SETD4: variants seen among roughly 807,000 people sequenced by gnomAD.
SETD4 encodes the protein SET domain containing 4.
A neutral mutation model predicts 58.3 loss-of-function variants in SETD4; 46 were observed. That is an observed-to-expected ratio of 0.79 (90% CI 0.62 to 1.01). The LOEUF is 1.01. Among genes scored for constraint, SETD4 ranks in the 50% least tolerant of loss-of-function variants. The pLI, the probability that SETD4 is intolerant of heterozygous loss-of-function variation, is 0.00. For synonymous variants in SETD4, 190 were observed against 202.6 expected (o/e 0.94, Z 0.53); for missense variants, 490 against 523.3 (o/e 0.94, Z 0.62).
chr21:36,058,347 A>C (rs2065090852), intron 2 of SETD4, among the ~76,000 whole-genome samples: 1 of 152,070 alleles, frequency 6.6e-6, no homozygotes, highest in Non-Finnish European at 1.5e-5. Flanking sequence ...AAATTTAAAA[A>C]AACATTAGCC....
chr21:36,051,079 A>G (rs1442563348), intron 4 of SETD4: 79 of 1,434,514 alleles, frequency 5.5e-5, no homozygotes, highest in Non-Finnish European at 7.0e-5. Flanking sequence ...ATCGTCTTTC[A>G]TAAGGCTTGT....
Position 36,034,947 on chromosome 21 carries a change from A to G in SETD4, c.*1046T>C, listed in dbSNP as rs1342981227. The G allele has an allele frequency of 6.6e-6, 1 of 152,252 alleles. No individual in the cohort carries two copies. Among genetic ancestry groups the G allele is most frequent in the Non-Finnish European group, 1.5e-5 (1 of 68,052 alleles). 9.4% of individuals were successfully genotyped at this position (152,252 alleles called of 1,614,324 possible). ...ATATACAAACAGGGAAAGATGTTCAAGAAATCATGAGAAAGTTTTATTTTA... is the reference window on the plus strand; with the variant it reads ...ATATACAAACAGGGAAAGATGTTCAGGAAATCATGAGAAAGTTTTATTTTA... On this transcript the variant is annotated 3_prime_UTR_variant, in exon 12 of 12. Coordinates refer to ENST00000332131, the MANE Select transcript of SETD4 (RefSeq NM_017438.5).
At chr21:36,059,753 T>A in intron 1 of SETD4, 2 of 985,104 alleles carry the variant, frequency 2.0e-6, no homozygotes, top group Non-Finnish European at 1.2e-6. Context: ...AGGGCAGAAA[T>A]GAGCAAGAGA....
chr21:36,058,940 G>C lies in SETD4; in HGVS notation c.-36-16C>G. 2.0e-6 allele frequency: 3 copies of C among 1,526,582 alleles called. No homozygotes were observed. The highest frequency in any genetic ancestry group is 2.6e-6 in the Non-Finnish European group (3 of 1,137,000). 94.6% of individuals were successfully genotyped at this position (1,526,582 alleles called of 1,614,324 possible). The stretch of plus-strand genomic sequence containing the variant: ...AAATACAGTTCTATTTTTTCAAAAA[G>C]GACAAAACTGTAATTTCTGTGGAAA... On this transcript the variant is annotated splice_polypyrimidine_tract_variant and intron_variant, in intron 1 of 11. Coordinates refer to ENST00000332131, the MANE Select transcript of SETD4 (RefSeq NM_017438.5).
rs1182423068 is a variant in SETD4, at chr21:36,057,729, AATTAGTGTGAT to A, written c.74-536_74-526del. 4.6e-5 allele frequency among the ~76,000 whole-genome samples: 7 copies of A among 152,262 alleles called. No individual in the cohort carries two copies. The East Asian group carries it at 1.3e-3, about 29-fold the overall frequency. ...ACTTATTATAAAGCTACAGTAATCA[AATTAGTGTGAT>A]ATTGTCAAAACAGACACAAATAGGT... is the stretch of plus-strand genomic sequence containing the variant. On this transcript the variant is annotated intron_variant, in intron 2 of 11. Transcript: ENST00000332131.
chr21:36,048,105 AAGGCAGGCAGGC>A (rs375449897), intron 5 of SETD4, among the ~76,000 whole-genome samples, 191 bp downstream of exon 5: 1 of 145,462 alleles, frequency 6.9e-6, no homozygotes, highest in Non-Finnish European at 1.5e-5. Context: ...GGGAGGGAGG[AAGGCAGGCAGGC>A]AGGCAGGCAG....
chr21:36,040,651 A>G lies in SETD4; in HGVS notation c.988T>C (p.Leu330=). The G allele has an allele frequency of 1.2e-6, 2 of 1,613,414 alleles. No individual in the cohort carries two copies. The highest frequency in any genetic ancestry group is 1.7e-6 in the Non-Finnish European group (2 of 1,179,416). Residue 330 remains leucine (L), a synonymous_variant, in exon 9 of 12, where the codon TTG becomes CTG. Transcript: ENST00000332131. The stretch of plus-strand genomic sequence containing the variant: ...GATGGTCCATCCCATCCAAATGTCA[A>G]ATTTCTGAAGTAGAAAAACAAATAA... ...ILKDHGYIEN[L]TFGWDGPSWR...
At position 36,041,871 on chromosome 21, in the gene SETD4, G is replaced by T; in HGVS notation, c.919C>A (p.Leu307Ile). Residue 307 changes from leucine (L) to isoleucine (I), a missense_variant, in exon 8 of 12, where the codon CTT (leucine) becomes ATT (isoleucine). Leu to Ile is a conservative substitution (Grantham distance 5). Transcript: ENST00000332131. ...YVSREILVKY[L>I]PSTDKQMDKK... is the part of the protein sequence containing the mutation. ...TCCATCTGTTTATCTGTTGATGGAAGATATTTAACAAGTATTTCTATATTC... is the reference window on the plus strand; with the variant it reads ...TCCATCTGTTTATCTGTTGATGGAATATATTTAACAAGTATTTCTATATTC... 1 of 1,445,512 alleles carries T rather than the reference G, an allele frequency of 6.9e-7. No individual in the cohort carries two copies. Among genetic ancestry groups the T allele is most frequent in the Non-Finnish European group, 9.3e-7 (1 of 1,070,084 alleles). 89.5% of individuals were successfully genotyped at this position (1,445,512 alleles called of 1,614,324 possible). A position where few individuals can be genotyped will look rare whatever the true frequency, so the allele number is the denominator to read the frequency against.
At chr21:36,050,566 G>C in intron 4 of SETD4, 2 of 1,613,998 alleles carry the variant, frequency 1.2e-6, no homozygotes, top group South Asian at 1.1e-5. Context: ...AATAAGTTCT[G>C]GACATTTCAA....
At chr21:36,050,047 G>T in intron 4 of SETD4, among the ~76,000 whole-genome samples, 1 of 152,148 alleles carries the variant, frequency 6.6e-6, no homozygotes, top group East Asian at 1.9e-4. Context: ...ATGGATTCGT[G>T]GGCTGCTTCC....
intron 6 of SETD4, among the ~76,000 whole-genome samples, chr21:36,044,607 G>A (rs2123598288): frequency 6.6e-6 from 1 of 152,234 alleles, no homozygotes; most frequent in Admixed American, 6.5e-5. Context: ...CCTAATCCCA[G>A]GCTCCTTTGC....
chr21:36,054,756 A>T (rs986231143), intron 3 of SETD4, among the ~76,000 whole-genome samples: 1 of 150,220 alleles, frequency 6.7e-6, no homozygotes, highest in Non-Finnish European at 1.5e-5. Context: ...CAAGTCTTCC[A>T]TCAGCTTCCT....
intron 5 of SETD4, 133 bp downstream of exon 5, chr21:36,048,175 A>G: frequency 1.3e-6 from 1 of 767,890 alleles, no homozygotes; most frequent in South Asian, 1.7e-5. Context: ...TAAACTTTTC[A>G]CATCATTCAG....
intron 2 of SETD4, among the ~76,000 whole-genome samples, chr21:36,058,048 T>C (rs1042586488): frequency 1.9e-4 from 29 of 152,232 alleles, no homozygotes; most frequent in Non-Finnish European, 2.9e-5. Context: ...CATCCAAACA[T>C]TGATATCCTA....
chr21:36,039,693 T>C (rs1601199254), intron 9 of SETD4, among the ~76,000 whole-genome samples: 2 of 152,326 alleles, frequency 1.3e-5, no homozygotes, highest in East Asian at 1.9e-4. Flanking sequence ...AAACATCGGT[T>C]AAAGAATTCA....
intron 6 of SETD4, among the ~76,000 whole-genome samples, chr21:36,044,601 A>G (rs2064220680): frequency 6.6e-6 from 1 of 152,196 alleles, no homozygotes; most frequent in Non-Finnish European, 1.5e-5. Context: ...CACTCACCTA[A>G]TCCCAGGCTC....
In SETD4 at chr21:36,051,486, G is replaced by A; in HGVS notation, c.207+2097C>T. The A allele has an allele frequency of 3.7e-6, 5 of 1,345,676 alleles. 1 individual carries two copies. Among genetic ancestry groups the A allele is most frequent in the Non-Finnish European group, 4.8e-6 (5 of 1,041,996 alleles). The allele number at this position is 1,345,676 out of a possible 1,614,324, so 83.4% of individuals were successfully genotyped here. A position where few individuals can be genotyped will look rare whatever the true frequency, so the allele number is the denominator to read the frequency against. ...GTTCATGGAGGATGCTCAGGAAGAT[G>A]AGAGAAAATTAGTAGGATTAGTTGG... On this transcript the variant is annotated intron_variant, in intron 4 of 11. Transcript: ENST00000332131.
rs1440532653 is a variant in SETD4 at position 36,038,281 on chromosome 21, C to G, written c.1065-8G>C. 1 of 1,606,016 alleles carries G rather than the reference C, an allele frequency of 6.2e-7. No individual in the cohort carries two copies. Among genetic ancestry groups the G allele is most frequent in the Non-Finnish European group, 8.5e-7 (1 of 1,178,086 alleles). ...ACTTTTTTCCAGCATGTACTAGAACCAAAATGTTCCATGACACAATTTTAG... is the reference window on the plus strand; with the variant it reads ...ACTTTTTTCCAGCATGTACTAGAACGAAAATGTTCCATGACACAATTTTAG... On this transcript the variant is annotated splice_region_variant and splice_polypyrimidine_tract_variant and intron_variant, in intron 9 of 11. Transcript: ENST00000332131.
Position 36,058,898 on chromosome 21 carries a change from G to GTATGT in SETD4, c.-11_-10insACATA, listed in dbSNP as rs2065131780. On this transcript the variant is annotated 5_prime_UTR_variant, in exon 2 of 12. Coordinates refer to ENST00000332131, the MANE Select transcript of SETD4 (RefSeq NM_017438.5). Reference sequence around the variant, plus strand: ...CTTTTCCTTTCTGCATGCTAAAACTGTAGTTTCTTTTTTCTGAAATACAGT... The same window carrying GTATGT: ...CTTTTCCTTTCTGCATGCTAAAACTGTATGTTAGTTTCTTTTTTCTGAAATACAGT... 3.8e-6 allele frequency: 6 copies of GTATGT among 1,576,834 alleles called. No homozygotes were observed. Among genetic ancestry groups the GTATGT allele is most frequent in the Non-Finnish European group, 4.3e-6 (5 of 1,166,532 alleles).
Sources: gnomAD v4.1 joint callset for allele counts (sites outside exome capture counted in the v4.1 genomes callset) on GRCh38, gnomAD v4.1.1 for gene constraint, MANE v1.5 for transcripts, NCBI Gene and HGNC (gene_info 2026-07-23, HGNC 2026-07-21) for gene names.